THSD7A: variants seen among roughly 807,000 people sequenced by gnomAD.
THSD7A encodes thrombospondin type 1 domain containing 7A, also known as thrombospondin type-1 domain-containing protein 7A.
Under a neutral mutation model 231.3 loss-of-function variants are expected in THSD7A, and 96 were observed. The ratio of observed to expected loss-of-function variants is 0.41; its 90% CI spans 0.35 to 0.49. THSD7A has a LOEUF of 0.49. Among genes scored for constraint, THSD7A ranks in the 20% least tolerant of loss-of-function variants. The probability of loss-of-function intolerance (pLI) is 0.05; values close to 1 mark genes in which losing one functional copy is unlikely to be tolerated. For synonymous variants in THSD7A, 940 were observed against 743.3 expected (o/e 1.26, Z -4.30); for missense variants, 2,290 against 2,070.2 (o/e 1.11, Z -2.06).
chr7:11,532,420 G>C (rs929342370), intron 6 of THSD7A, among the ~76,000 whole-genome samples: 38 of 152,176 alleles, frequency 2.5e-4, no homozygotes, highest in African/African-American at 8.7e-4. Context: ...AATTGGCTTT[G>C]AGACTTGGGA....
intron 1 of THSD7A, among the ~76,000 whole-genome samples, chr7:11,683,453 A>C (rs1783945729): frequency 6.6e-6 from 1 of 152,004 alleles, no homozygotes; most frequent in South Asian, 2.1e-4. Flanking sequence ...TTTTCTGAAA[A>C]GATAAACAAG....
intron 9 of THSD7A, among the ~76,000 whole-genome samples, chr7:11,468,979 G>T (rs1339052768): frequency 2.0e-5 from 3 of 152,028 alleles, no homozygotes; most frequent in Admixed American, 2.0e-4. Context: ...TAGTAACACA[G>T]TAAAAGTATC....
chr7:11,388,509 T>C (rs1221969788), intron 23 of THSD7A, among the ~76,000 whole-genome samples: 2 of 152,254 alleles, frequency 1.3e-5, no homozygotes, highest in Admixed American at 6.5e-5. Flanking sequence ...AGATGGTAGT[T>C]TGAATTTCCG....
rs763870821 is a variant in THSD7A at position 11,636,581 on chromosome 7, A to G, written c.571T>C (p.Cys191Arg). The G allele has an allele frequency of 6.2e-7, 1 of 1,613,994 alleles. No homozygotes were observed. The highest frequency in any genetic ancestry group is 1.1e-5 in the South Asian group (1 of 91,084). Residue 191 changes from cysteine (C) to arginine (R), a missense_variant, in exon 2 of 28, where the codon TGC (cysteine) becomes CGC (arginine). Cys to Arg is a radical substitution (Grantham distance 180, BLOSUM62 -3). Transcript: ENST00000423059. The surrounding 1 kb of genome is among the most constrained non-coding windows in gnomAD (Gnocchi z 10.0). ...TCAGACACGATGCAATCTTGCTGGC[A>G]AGGAATGAGGCAAGCCTGCTCCAGG... ...PLLEQACLIP[C>R]QQDCIVSEFS...
intron 6 of THSD7A, among the ~76,000 whole-genome samples, chr7:11,498,484 C>G (rs1297973846): frequency 6.6e-6 from 1 of 152,114 alleles, no homozygotes; most frequent in African/African-American, 2.4e-5. Flanking sequence ...CTGAATTCCC[C>G]CTGGGACTGC....
At chr7:11,566,461 G>A (rs1013391082) in intron 4 of THSD7A, among the ~76,000 whole-genome samples, 2 of 152,184 alleles carry the variant, frequency 1.3e-5, no homozygotes, top group Non-Finnish European at 2.9e-5. Flanking sequence ...ATGCAGTAAT[G>A]TTTAGATCAC....
At chr7:11,432,783 T>G (rs74864672) in intron 13 of THSD7A, among the ~76,000 whole-genome samples, 1 of 152,036 alleles carries the variant, frequency 6.6e-6, no homozygotes, top group African/African-American at 2.4e-5. Context: ...TATTCTAGAA[T>G]GTGTCTTTTG....
intron 6 of THSD7A, among the ~76,000 whole-genome samples, chr7:11,499,488 A>G (rs1787243878): frequency 6.6e-6 from 1 of 152,228 alleles, no homozygotes; most frequent in Non-Finnish European, 1.5e-5. Flanking sequence ...CTGAAATGAC[A>G]GAAATAGAAT....
intron 4 of THSD7A, among the ~76,000 whole-genome samples, chr7:11,561,526 T>C (rs1790075300): frequency 6.6e-6 from 1 of 152,166 alleles, no homozygotes; most frequent in Non-Finnish European, 1.5e-5. Flanking sequence ...ATTATTTTAG[T>C]CCTCACAGAA....
intron 2 of THSD7A, among the ~76,000 whole-genome samples, chr7:11,629,851 G>A (rs1317691267): frequency 6.6e-6 from 1 of 152,144 alleles, no homozygotes; most frequent in African/African-American, 2.4e-5. Context: ...TTTGTTTGGG[G>A]TTCATTAGAA....
chr7:11,436,691 T>A (rs998135002), intron 13 of THSD7A, among the ~76,000 whole-genome samples: 28 of 151,756 alleles, frequency 1.8e-4, no homozygotes, highest in South Asian at 8.3e-4. Context: ...TTTTTTTTTT[T>A]AATTTCCATT....
intron 1 of THSD7A, among the ~76,000 whole-genome samples, chr7:11,742,573 C>A (rs773553544): frequency 2.6e-5 from 4 of 151,898 alleles, no homozygotes; most frequent in Non-Finnish European, 5.9e-5. Context: ...AGATGCATGA[C>A]TCAGAAATGC....
rs1396704406 is a variant in THSD7A at position 11,706,630 on chromosome 7, C to CA, written c.191-69670_191-69669insT. On this transcript the variant is annotated intron_variant, in intron 1 of 27. Coordinates refer to ENST00000423059, the MANE Select transcript of THSD7A (RefSeq NM_015204.3). ...ATTGACTAAAAATTTTAACAAGGTG[C>CA]TTTTTTTTTTTTTTTTTTTTTTTTT... Among the ~76,000 whole-genome samples, 272 of 66,412 alleles carry CA rather than the reference C, an allele frequency of 4.1e-3. 2 individuals carry two copies. The highest frequency in any genetic ancestry group is 0.014 in the Middle Eastern group (1 of 74). The allele number at this position is 66,412 out of a possible 152,430, so 43.6% of individuals were successfully genotyped here.
At chr7:11,621,714 T>C (rs1781316328) in intron 2 of THSD7A, among the ~76,000 whole-genome samples, 1 of 152,096 alleles carries the variant, frequency 6.6e-6, no homozygotes, top group Non-Finnish European at 1.5e-5. Context: ...AGTTAGGATA[T>C]AAATTATTAA....
chr7:11,725,108 AT>A (rs1781503893), intron 1 of THSD7A, among the ~76,000 whole-genome samples: 1 of 152,082 alleles, frequency 6.6e-6, no homozygotes, highest in African/African-American at 2.4e-5. Context: ...CATTCAAAAA[AT>A]AATATACATT....
At chr7:11,642,120 C>A (rs930393227) in intron 1 of THSD7A, among the ~76,000 whole-genome samples, 1 of 152,134 alleles carries the variant, frequency 6.6e-6, no homozygotes, top group Non-Finnish European at 1.5e-5. Flanking sequence ...AATATGCAAA[C>A]TCTATCAAGG....
intron 1 of THSD7A, among the ~76,000 whole-genome samples, chr7:11,737,220 C>T (rs1443750509): frequency 6.6e-6 from 1 of 151,954 alleles, no homozygotes; most frequent in African/African-American, 2.4e-5. Context: ...TTTTATACAC[C>T]TGAATACAAG....
intron 6 of THSD7A, among the ~76,000 whole-genome samples, chr7:11,492,129 A>T (rs1452086764): frequency 6.6e-6 from 1 of 151,986 alleles, no homozygotes; most frequent in Non-Finnish European, 1.5e-5. Flanking sequence ...CCCACTTGAC[A>T]CACCTTGTCT....
chr7:11,646,521 C>G (rs1308541339), intron 1 of THSD7A, among the ~76,000 whole-genome samples: 1 of 151,820 alleles, frequency 6.6e-6, no homozygotes, highest in Non-Finnish European at 1.5e-5. Context: ...AAATTGGTGT[C>G]AAAGAATAGC....
Sources: gnomAD v4.1 joint callset for allele counts (sites outside exome capture counted in the v4.1 genomes callset) on GRCh38, gnomAD v4.1.1 for gene constraint, Gnocchi (gnomAD v3.1) non-coding constraint, MANE v1.5 for transcripts, NCBI Gene and HGNC (gene_info 2026-07-23, HGNC 2026-07-21) for gene names.